Variants in BABAM2 observed in about 807,000 individuals in gnomAD.
BABAM2 encodes BRISC and BRCA1 A complex member 2, also known as BRISC and BRCA1-A complex member 2.
In BABAM2, 31 loss-of-function variants were observed where a neutral mutation model predicts 54.7. That is an observed-to-expected ratio of 0.57 (90% CI 0.43 to 0.77). The LOEUF (loss-of-function observed/expected upper bound fraction) is 0.77. Ranked by LOEUF, BABAM2 falls within the 30% of genes least tolerant of loss-of-function variation. The pLI, the probability that BABAM2 is intolerant of heterozygous loss-of-function variation, is 0.00. For synonymous variants in BABAM2, 167 were observed against 162.9 expected (o/e 1.03, Z -0.19); for missense variants, 364 against 455.8 (o/e 0.80, Z 1.83).
intron 3 of BABAM2, among the ~76,000 whole-genome samples, chr2:27,973,374 A>G (rs886300350): frequency 7.9e-5 from 12 of 151,770 alleles, no homozygotes; most frequent in South Asian, 2.1e-4. Context: ...AAATTCTCCA[A>G]TGAAAACCCT....
intron 3 of BABAM2, among the ~76,000 whole-genome samples, chr2:27,954,368 C>A (rs1317448243): frequency 5.9e-5 from 9 of 152,212 alleles, no homozygotes; most frequent in Admixed American, 4.6e-4. Context: ...AGTGCAGCAG[C>A]ACTGTGAGGG....
chr2:28,022,478 T>A (rs1034833673), intron 4 of BABAM2, among the ~76,000 whole-genome samples: 11 of 152,252 alleles, frequency 7.2e-5, no homozygotes, highest in Non-Finnish European at 1.5e-4. Context: ...TTTGTGAGAA[T>A]GAATGAAGTT....
chr2:27,971,790 A>G (rs763839088), intron 3 of BABAM2, among the ~76,000 whole-genome samples: 4 of 152,146 alleles, frequency 2.6e-5, no homozygotes, highest in Non-Finnish European at 5.9e-5. Flanking sequence ...TAAAACTACA[A>G]CAATCATAGA....
chr2:27,967,351 T>C lies in BABAM2; in HGVS notation c.206-20642T>C, dbSNP rs185228014. 1.8e-4 allele frequency among the ~76,000 whole-genome samples: 27 copies of C among 152,298 alleles called. No homozygotes were observed. In the East Asian group the frequency reaches 4.6e-3, roughly 26 times the overall value. ...AGGGGGAATTTCCCTGCACAAGCTC[T>C]CTCTTTTCCTGCTGCTATCCATTGT... On this transcript the variant is annotated intron_variant, in intron 3 of 11. Transcript: ENST00000379624.
At chr2:27,943,853 G>C (rs1035952675) in intron 3 of BABAM2, among the ~76,000 whole-genome samples, 2 of 152,150 alleles carry the variant, frequency 1.3e-5, no homozygotes, top group Non-Finnish European at 2.9e-5. Context: ...TCTACAAAAT[G>C]CTCATTGAAA....
chr2:27,927,478 A>G (rs1667793783), intron 2 of BABAM2, among the ~76,000 whole-genome samples: 1 of 152,224 alleles, frequency 6.6e-6, no homozygotes, highest in South Asian at 2.1e-4. Context: ...TATAGGGCTC[A>G]TAACAGCATG....
intron 2 of BABAM2, among the ~76,000 whole-genome samples, chr2:27,910,702 C>T (rs991217787): frequency 2.0e-5 from 3 of 151,964 alleles, no homozygotes; most frequent in Admixed American, 1.3e-4. Flanking sequence ...TGTGAGGCTT[C>T]GTTTGTTCAG....
Position 28,237,247 on chromosome 2 carries a change from A to G in BABAM2, c.726A>G (p.Gly242=). 4 of 1,613,964 alleles carry G rather than the reference A, an allele frequency of 2.5e-6. No homozygotes were observed. The highest frequency in any genetic ancestry group is 3.4e-6 in the Non-Finnish European group (4 of 1,179,920). ...CTCTTCATATCCCAGCTTTTCCAGG[A>G]GGAGGATGTCTCATTGATTACGTTC... ...SSALHIPAFP[G]GGCLIDYVPQ... The change falls in exon 8 of 12, where the codon GGA becomes GGG. Residue 242 remains glycine (G), a synonymous_variant. Transcript: ENST00000379624.
intron 4 of BABAM2, among the ~76,000 whole-genome samples, chr2:28,000,054 C>T (rs1673471767): frequency 6.6e-6 from 1 of 152,102 alleles, no homozygotes; most frequent in African/African-American, 2.4e-5. Context: ...TTCCTAAGTG[C>T]CCCACATTCA....
At chr2:28,205,103 C>T (rs568576995) in intron 7 of BABAM2, among the ~76,000 whole-genome samples, 1 of 152,030 alleles carries the variant, frequency 6.6e-6, no homozygotes, top group East Asian at 1.9e-4. Context: ...ATGCACGTAG[C>T]TGACTTTCCA....
At chr2:28,249,014 G>A (rs1683171040) in intron 10 of BABAM2, among the ~76,000 whole-genome samples, 1 of 151,812 alleles carries the variant, frequency 6.6e-6, no homozygotes, top group Non-Finnish European at 1.5e-5. Context: ...ACAGCCTGTG[G>A]GCCAAATCCC....
intron 2 of BABAM2, among the ~76,000 whole-genome samples, chr2:27,915,577 C>T (rs1262751621): frequency 6.6e-6 from 1 of 152,208 alleles, no homozygotes; most frequent in Admixed American, 6.5e-5. Flanking sequence ...ACGTGGATGG[C>T]ACACTTATCC....
At chr2:28,209,121 T>C (rs1239829189) in intron 7 of BABAM2, among the ~76,000 whole-genome samples, 2 of 152,216 alleles carry the variant, frequency 1.3e-5, no homozygotes, top group African/African-American at 4.8e-5. Flanking sequence ...AGCTCACTTA[T>C]TCACAGTTGC....
intron 10 of BABAM2, among the ~76,000 whole-genome samples, chr2:28,274,322 G>A (rs1685689653): frequency 6.6e-6 from 1 of 152,154 alleles, no homozygotes; most frequent in African/African-American, 2.4e-5. Flanking sequence ...TCCAAATAAC[G>A]TAATTATGAG....
intron 4 of BABAM2, among the ~76,000 whole-genome samples, chr2:28,001,392 A>G (rs570565698): frequency 1.3e-5 from 2 of 152,356 alleles, no homozygotes; most frequent in Admixed American, 1.3e-4. Context: ...TGAATGATTC[A>G]TTGATGCATT....
chr2:28,194,575 CT>C (rs10684650), intron 7 of BABAM2, among the ~76,000 whole-genome samples: 51 of 99,190 alleles, frequency 5.1e-4, no homozygotes, highest in African/African-American at 1.9e-3. Flanking sequence ...ACAACGTAGA[CT>C]TTTTTTTTTT....
chr2:27,943,134 G>A lies in BABAM2; in HGVS notation c.205+13226G>A, dbSNP rs1385939104. Among the ~76,000 whole-genome samples the A allele has an allele frequency of 2.6e-5, 4 of 152,156 alleles. No homozygotes were observed. In the East Asian group the frequency reaches 7.7e-4, roughly 29 times the overall value. ...CCTTGGCCGCTAGGTCCAAAAGCTG[G>A]CCGTTGTGACTATAGCTGTTGGCAT... On this transcript the variant is annotated intron_variant, in intron 3 of 11. Coordinates refer to ENST00000379624, the MANE Select transcript of BABAM2 (RefSeq NM_199191.3).
chr2:28,211,114 A>G (rs1679407100), intron 7 of BABAM2, among the ~76,000 whole-genome samples: 1 of 152,190 alleles, frequency 6.6e-6, no homozygotes, highest in African/African-American at 2.4e-5. Context: ...GTTGCCAAAA[A>G]CAGAGGGGAC....
intron 2 of BABAM2, among the ~76,000 whole-genome samples, chr2:27,899,378 C>T (rs1665596749): frequency 6.6e-6 from 1 of 151,900 alleles, no homozygotes; most frequent in African/African-American, 2.4e-5. Flanking sequence ...CACAGATTCC[C>T]TTTTGGGTGT....
Sources: allele counts gnomAD v4.1 joint callset (sites outside exome capture counted in the v4.1 genomes callset), GRCh38; gene constraint gnomAD v4.1.1; transcripts MANE v1.5; gene names NCBI Gene and HGNC (gene_info 2026-07-23, HGNC 2026-07-21).